The following CNKSR2 variants were observed in gnomAD, a reference collection of about 807,000 sequenced individuals.
The protein encoded by CNKSR2 is CNK homolog protein 2.
Under a neutral mutation model 84.4 loss-of-function variants are expected in CNKSR2, and 14 were observed. The observed-to-expected ratio is 0.17, with a 90% CI of 0.11 to 0.26. The LOEUF is 0.26. Ranked by LOEUF, CNKSR2 falls within the 10% of genes least tolerant of loss-of-function variation. The probability of loss-of-function intolerance (pLI) is 1.00; values close to 1 mark genes in which losing one functional copy is unlikely to be tolerated. For missense variants in CNKSR2, 485 were observed against 771.2 expected (o/e 0.63, Z 4.40); for synonymous variants, 275 against 277.9 (o/e 0.99, Z 0.10).
At chrX:21,523,118 A>G (rs1036695335) in intron 9 of CNKSR2, among the ~76,000 whole-genome samples, 1 of 111,222 alleles carries the variant, frequency 9.0e-6, no homozygotes, top group Non-Finnish European at 1.9e-5. Context: ...CACAACATAC[A>G]TGTAAATGTG....
At chrX:21,561,184 A>T (rs2092185553) in intron 11 of CNKSR2, among the ~76,000 whole-genome samples, 1 of 45,920 alleles carries the variant, frequency 2.2e-5, no homozygotes, top group East Asian at 5.3e-4. Flanking sequence ...ATCTTCTTTA[A>T]AAAAAAAAAA....
chrX:21,508,780 A>G (rs1377868364), intron 8 of CNKSR2, among the ~76,000 whole-genome samples: 1 of 112,207 alleles, frequency 8.9e-6, no homozygotes, highest in African/African-American at 3.2e-5. Flanking sequence ...AATATAAGTG[A>G]TAGGTTACAG....
chrX:21,538,864 C>T (rs2091952709), intron 11 of CNKSR2: 2 of 112,491 alleles, frequency 1.8e-5, no homozygotes, highest in Non-Finnish European at 3.8e-5. Flanking sequence ...CCGAAAGACT[C>T]AGCAAGCCAG....
intron 5 of CNKSR2, among the ~76,000 whole-genome samples, chrX:21,475,639 G>A (rs970100371): frequency 1.8e-5 from 2 of 111,159 alleles, no homozygotes; most frequent in Non-Finnish European, 3.8e-5. Context: ...TGAGATAGGC[G>A]CTAGAACATC....
intron 4 of CNKSR2, among the ~76,000 whole-genome samples, chrX:21,455,539 T>C (rs1348378163): frequency 2.7e-5 from 3 of 112,060 alleles, no homozygotes; most frequent in African/African-American, 9.7e-5. Context: ...ATGTAACAGA[T>C]TGAATGAAAG....
At chrX:21,528,884 T>A (rs1057311521) in intron 10 of CNKSR2, among the ~76,000 whole-genome samples, 7 of 111,230 alleles carry the variant, frequency 6.3e-5, no homozygotes, top group African/African-American at 2.3e-4. Flanking sequence ...ACCACAGCCT[T>A]ATATAAATGT....
intron 3 of CNKSR2, among the ~76,000 whole-genome samples, chrX:21,439,800 A>G (rs930530486): frequency 2.7e-5 from 3 of 110,804 alleles, no homozygotes; most frequent in Admixed American, 9.7e-5. Context: ...GGTGTGGAAA[A>G]AATCTGCAGG....
At chrX:21,531,310 A>G (rs903419630) in intron 10 of CNKSR2, among the ~76,000 whole-genome samples, 2 of 110,781 alleles carry the variant, frequency 1.8e-5, no homozygotes, top group African/African-American at 6.5e-5. Flanking sequence ...AGAAGAAAAC[A>G]TTATACTTAA....
intron 1 of CNKSR2, among the ~76,000 whole-genome samples, chrX:21,408,635 T>A (rs922480396): frequency 5.4e-5 from 6 of 111,687 alleles, no homozygotes; most frequent in African/African-American, 1.9e-4. Flanking sequence ...TTTGTCTTGC[T>A]TAGTCTCCTT....
At chrX:21,405,744 T>C (rs1320238134) in intron 1 of CNKSR2, among the ~76,000 whole-genome samples, 2 of 111,625 alleles carry the variant, frequency 1.8e-5, no homozygotes, top group Non-Finnish European at 3.8e-5. Context: ...TTATATTGAT[T>C]ATGATGATTT....
chrX:21,553,330 T>C (rs369433749), intron 11 of CNKSR2, among the ~76,000 whole-genome samples: 2 of 111,367 alleles, frequency 1.8e-5, no homozygotes, highest in East Asian at 2.8e-4. Flanking sequence ...TCTAAGTGTT[T>C]ATTACCCTGA....
At chrX:21,571,196 T>C (rs1409781848) in intron 13 of CNKSR2, among the ~76,000 whole-genome samples, 1 of 112,230 alleles carries the variant, frequency 8.9e-6, no homozygotes, top group Non-Finnish European at 1.9e-5. Flanking sequence ...ATTACAGTAG[T>C]AACATCAATG....
chrX:21,527,707 C>T (rs1399432086), intron 10 of CNKSR2, among the ~76,000 whole-genome samples: 1 of 110,596 alleles, frequency 9.0e-6, no homozygotes, highest in African/African-American at 3.3e-5. Context: ...TTGTGAAATA[C>T]AAAAATTATG....
intron 6 of CNKSR2, chrX:21,495,036 T>C (rs1467105462): frequency 8.9e-6 from 1 of 112,642 alleles, no homozygotes; most frequent in Non-Finnish European, 1.9e-5. Flanking sequence ...ACATATTTGC[T>C]AAAGTGGTCT....
intron 17 of CNKSR2, among the ~76,000 whole-genome samples, chrX:21,600,429 A>C (rs1246911297): frequency 1.8e-5 from 2 of 112,335 alleles, no homozygotes; most frequent in African/African-American, 6.5e-5. Flanking sequence ...TTTTTCTTCA[A>C]TTTCTGATTT....
intron 1 of CNKSR2, among the ~76,000 whole-genome samples, chrX:21,414,267 C>G (rs1305259272): frequency 9.0e-6 from 1 of 111,465 alleles, no homozygotes; most frequent in East Asian, 2.8e-4. Context: ...GCCATTTTAA[C>G]TGGGGTGAGA....
chrX:21,600,727 T>C (rs1302646925), intron 17 of CNKSR2, among the ~76,000 whole-genome samples: 1 of 112,515 alleles, frequency 8.9e-6, no homozygotes, highest in Non-Finnish European at 1.9e-5. Flanking sequence ...ATTGTATAAG[T>C]TCATTGTGTC....
intron 13 of CNKSR2, among the ~76,000 whole-genome samples, chrX:21,577,389 T>A (rs1326818365): frequency 1.8e-5 from 2 of 111,398 alleles, no homozygotes; most frequent in African/African-American, 6.5e-5. Flanking sequence ...TTTATTAAAT[T>A]TAAGTCTTAT....
chrX:21,410,540 A>G (rs2090329664), intron 1 of CNKSR2, among the ~76,000 whole-genome samples: 1 of 111,413 alleles, frequency 9.0e-6, no homozygotes, highest in Non-Finnish European at 1.9e-5. Flanking sequence ...GAGTATCACC[A>G]CTTATATTAT....
Sources: gnomAD v4.1 joint callset for allele counts (sites outside exome capture counted in the v4.1 genomes callset) on GRCh38, gnomAD v4.1.1 for gene constraint, MANE v1.5 for transcripts, NCBI Gene and HGNC (gene_info 2026-07-23, HGNC 2026-07-21) for gene names.